Variants in AGBL1 observed in about 807,000 individuals in gnomAD.
The protein encoded by AGBL1 is cytosolic carboxypeptidase 4.
Under a neutral mutation model 118.9 loss-of-function variants are expected in AGBL1, and 130 were observed. The ratio of observed to expected loss-of-function variants is 1.09; its 90% CI spans 0.95 to 1.26. The LOEUF is 1.26. Ranked by LOEUF, AGBL1 falls within the 50% of genes most tolerant of loss-of-function variation. The pLI is 0.00. For missense variants in AGBL1, 1,584 were observed against 1,298.1 expected (o/e 1.22, Z -3.38); for synonymous variants, 555 against 478.9 (o/e 1.16, Z -2.08).
intron 22 of AGBL1, among the ~76,000 whole-genome samples, chr15:86,693,837 T>C (rs2086212466): frequency 1.3e-5 from 2 of 152,114 alleles, no homozygotes; most frequent in Non-Finnish European, 2.9e-5. Context: ...TCCAGCACCA[T>C]TTGTTGACTA....
At chr15:86,466,031 C>T (rs770757671) in intron 18 of AGBL1, among the ~76,000 whole-genome samples, 4 of 152,152 alleles carry the variant, frequency 2.6e-5, no homozygotes, top group Non-Finnish European at 5.9e-5. Context: ...CCTGGAGACC[C>T]AGCTGTAAAA....
At chr15:86,762,868 C>T (rs1469452428) in intron 22 of AGBL1, among the ~76,000 whole-genome samples, 2 of 151,866 alleles carry the variant, frequency 1.3e-5, no homozygotes, top group African/African-American at 4.8e-5. Context: ...TGTAAAGAGG[C>T]CACCTCCAAG....
intron 19 of AGBL1, among the ~76,000 whole-genome samples, chr15:86,537,772 A>G (rs77989305): frequency 0.04 from 6,077 of 152,272 alleles, 284 homozygotes; most frequent in African/African-American, 0.12. Flanking sequence ...CTTTAACTTT[A>G]GAAGAAATTG....
chr15:86,266,364 T>A lies in AGBL1; in HGVS notation c.1668-10T>A. 1.3e-6 allele frequency: 2 copies of A among 1,562,964 alleles called. No individual in the cohort carries two copies. The highest frequency in any genetic ancestry group is 1.7e-6 in the Non-Finnish European group (2 of 1,151,038). On this transcript the variant is annotated splice_polypyrimidine_tract_variant and intron_variant, in intron 11 of 22. Transcript: ENST00000614907. The stretch of plus-strand genomic sequence containing the variant: ...CCGACCCTTAAAATGTTTTCAATTT[T>A]CTTTTTCAGGATCAGGATATTTGAG...
At chr15:86,684,054 A>G (rs933439499) in intron 22 of AGBL1, among the ~76,000 whole-genome samples, 3 of 152,158 alleles carry the variant, frequency 2.0e-5, no homozygotes, top group African/African-American at 7.2e-5. Flanking sequence ...GAGGAAAACA[A>G]AAGTGTAAAT....
chr15:86,516,620 C>A (rs528527492), intron 18 of AGBL1, among the ~76,000 whole-genome samples: 1 of 151,760 alleles, frequency 6.6e-6, no homozygotes. Context: ...GTCAACATGG[C>A]GAAACCCTGT....
At chr15:86,863,349 G>A (rs1168990408) in intron 22 of AGBL1, among the ~76,000 whole-genome samples, 3 of 152,186 alleles carry the variant, frequency 2.0e-5, no homozygotes, top group Non-Finnish European at 2.9e-5. Context: ...TGAAGCCAAT[G>A]ACTGGATGTC....
intron 7 of AGBL1, among the ~76,000 whole-genome samples, chr15:86,256,433 C>G (rs942020088): frequency 6.6e-6 from 1 of 152,150 alleles, no homozygotes; most frequent in Non-Finnish European, 1.5e-5. Flanking sequence ...GCAAAACTTC[C>G]ATCAATTCAG....
In AGBL1 at chr15:86,337,887, TAAAA is replaced by T. The variant is rs564829622; in HGVS notation, c.2374+42482_2374+42485del. On this transcript the variant is annotated intron_variant, in intron 17 of 22. Transcript: ENST00000614907. Reference sequence around the variant, plus strand: ...AACAAACAAAAAATGCACTTAAAAATAAAAAAGAAAGATGCATGTAGGGTATTAT... The same window carrying T: ...AACAAACAAAAAATGCACTTAAAAATAAGAAAGATGCATGTAGGGTATTAT... 6.4e-3 allele frequency among the ~76,000 whole-genome samples: 975 copies of T among 152,108 alleles called. 9 individuals carry two copies. The highest frequency in any genetic ancestry group is 0.01 in the Non-Finnish European group (691 of 67,964).
At chr15:86,645,700 C>A (rs1439815691) in intron 21 of AGBL1, among the ~76,000 whole-genome samples, 2 of 152,194 alleles carry the variant, frequency 1.3e-5, no homozygotes, top group Non-Finnish European at 2.9e-5. Context: ...TAATCAGATT[C>A]TCTAATCTTA....
chr15:86,479,589 G>T (rs927924786), intron 18 of AGBL1, among the ~76,000 whole-genome samples: 2 of 152,204 alleles, frequency 1.3e-5, no homozygotes, highest in African/African-American at 4.8e-5. Flanking sequence ...AACAGGTGCT[G>T]GAGAGGATGT....
chr15:86,441,392 C>T (rs1381368391), intron 18 of AGBL1, among the ~76,000 whole-genome samples: 1 of 152,188 alleles, frequency 6.6e-6, no homozygotes, highest in Non-Finnish European at 1.5e-5. Flanking sequence ...GCGGCTCTCT[C>T]CAATTCCTGC....
chr15:86,308,425 G>C (rs2079872750), intron 17 of AGBL1, among the ~76,000 whole-genome samples: 1 of 152,198 alleles, frequency 6.6e-6, no homozygotes, highest in African/African-American at 2.4e-5. Context: ...GCCAGGAAGA[G>C]AGCCCTCTTC....
intron 19 of AGBL1, among the ~76,000 whole-genome samples, chr15:86,540,044 C>G (rs2142238906): frequency 6.6e-6 from 1 of 152,284 alleles, no homozygotes; most frequent in South Asian, 2.1e-4. Flanking sequence ...ACAATACAAA[C>G]TTGGGCAAGT....
intron 21 of AGBL1, among the ~76,000 whole-genome samples, chr15:86,634,386 A>C (rs2085041592): frequency 6.6e-6 from 1 of 152,194 alleles, no homozygotes; most frequent in South Asian, 2.1e-4. Flanking sequence ...GAAAGGAATG[A>C]AGTACTGGTA....
At chr15:86,675,815 G>A (rs1310483291) in intron 22 of AGBL1, among the ~76,000 whole-genome samples, 1 of 152,044 alleles carries the variant, frequency 6.6e-6, no homozygotes, top group Admixed American at 6.6e-5. Context: ...CTCATTGAGG[G>A]AAGATTGAGC....
At chr15:86,861,817 GTTAA>G (rs1453694257) in intron 22 of AGBL1, among the ~76,000 whole-genome samples, 1 of 152,154 alleles carries the variant, frequency 6.6e-6, no homozygotes, top group African/African-American at 2.4e-5. Context: ...GTATTCATGG[GTTAA>G]TTGTCAGGTT....
In AGBL1 at chr15:86,366,346, G is replaced by C. The variant is rs187262797; in HGVS notation, c.2375-31020G>C. On this transcript the variant is annotated intron_variant, in intron 17 of 22. Coordinates refer to ENST00000614907, the MANE Select transcript of AGBL1 (RefSeq NM_001386094.1). ...CCCTTAAAGAGCTTCCTTTGAGTGA[G>C]GCAACATTTCAGAGATCTCTACATA... Among the ~76,000 whole-genome samples the C allele has an allele frequency of 8.1e-4, 123 of 152,154 alleles. 2 individuals carry two copies. Among genetic ancestry groups the C allele is most frequent in the African/African-American group, 2.9e-3 (121 of 41,520 alleles).
chr15:86,585,308 G>A (rs565075952), intron 21 of AGBL1, among the ~76,000 whole-genome samples: 1 of 152,206 alleles, frequency 6.6e-6, no homozygotes, highest in Non-Finnish European at 1.5e-5. Flanking sequence ...GCTGGCCAAA[G>A]ATAAGAGTAA....
Sources: gnomAD v4.1 joint callset for allele counts (sites outside exome capture counted in the v4.1 genomes callset) on GRCh38, gnomAD v4.1.1 for gene constraint, MANE v1.5 for transcripts, NCBI Gene and HGNC (gene_info 2026-07-23, HGNC 2026-07-21) for gene names.